ASH1L: variants seen among roughly 807,000 people sequenced by gnomAD.
The protein encoded by ASH1L is ASH1 like histone lysine methyltransferase.
In ASH1L, 23 loss-of-function variants were observed where a neutral mutation model predicts 269.0. That is an observed-to-expected ratio of 0.09 (90% confidence interval 0.06 to 0.12). The LOEUF (loss-of-function observed/expected upper bound fraction) is 0.12, where lower values mean the gene tolerates loss of function less well. Among genes scored for constraint, ASH1L ranks in the 10% least tolerant of loss-of-function variants. The pLI, the probability that ASH1L is intolerant of heterozygous loss-of-function variation, is 1.00. For synonymous variants in ASH1L, 1,187 were observed against 1,253.5 expected (o/e 0.95, Z 1.12); for missense variants, 2,912 against 3,567.8 (o/e 0.82, Z 4.68).
chr1:155,380,201 G>T, intron 7 of ASH1L, 85 bp from the exon 8 acceptor site: 2 of 908,324 alleles, frequency 2.2e-6, no homozygotes, highest in Non-Finnish European at 3.4e-6. Context: ...GAACTAACAT[G>T]TACTGACTAA....
At chr1:155,411,359 T>TCTA (rs1311403730) in intron 6 of ASH1L, among the ~76,000 whole-genome samples, 1 of 151,506 alleles carries the variant, frequency 6.6e-6, no homozygotes, top group Non-Finnish European at 1.5e-5. Context: ...AGTTCTAACA[T>TCTA]ACATAAAGTG....
intron 2 of ASH1L, among the ~76,000 whole-genome samples, chr1:155,497,142 T>C (rs899164695): frequency 6.6e-6 from 1 of 152,188 alleles, no homozygotes; most frequent in Non-Finnish European, 1.5e-5. Flanking sequence ...TAGTGCCAAT[T>C]TGATTTGTTT....
At chr1:155,458,512 C>T (rs558012143) in intron 4 of ASH1L, among the ~76,000 whole-genome samples, 1 of 152,276 alleles carries the variant, frequency 6.6e-6, no homozygotes, top group South Asian at 2.1e-4. Flanking sequence ...GTCAGGAGTT[C>T]GAGACCAGCC....
intron 1 of ASH1L, among the ~76,000 whole-genome samples, chr1:155,532,628 G>A (rs1164610027): frequency 6.6e-6 from 1 of 151,904 alleles, no homozygotes; most frequent in Non-Finnish European, 1.5e-5. Context: ...TTCAAGACCA[G>A]CCTGGCCAAC....
rs991381749 is a variant in ASH1L, at chr1:155,520,983, CT to C, written c.420+116del. On this transcript the variant is annotated intron_variant, in intron 2 of 27. Transcript: ENST00000392403. Reference sequence around the variant, plus strand: ...TTATTTTAAGGCTCACAAAAACAAACTATCTGGAAATAACATAGATTAAAAT... The same window carrying C: ...TTATTTTAAGGCTCACAAAAACAAACATCTGGAAATAACATAGATTAAAAT... The C allele has an allele frequency of 1.0e-4, 115 of 1,153,960 alleles. No individual in the cohort carries two copies. In the African/African-American group the frequency reaches 1.6e-3, roughly 16 times the overall value. The allele number at this position is 1,153,960 out of a possible 1,614,324, so 71.5% of individuals were successfully genotyped here.
intron 1 of ASH1L, among the ~76,000 whole-genome samples, chr1:155,543,951 A>G (rs1221430084): frequency 6.6e-6 from 1 of 152,078 alleles, no homozygotes. Context: ...AAAAAACACA[A>G]CAAAACAAAA....
At chr1:155,545,175 CAAAAAAAAAAAAA>C (rs10624841) in intron 1 of ASH1L, among the ~76,000 whole-genome samples, 19 of 21,780 alleles carry the variant, frequency 8.7e-4, no homozygotes, top group South Asian at 4.6e-3. Flanking sequence ...TCCATCTCAC[CAAAAAAAAAAAAA>C]AAAAAAAAAA....
In ASH1L at chr1:155,416,910, TTTTTC is replaced by T. The variant is rs371656532; in HGVS notation, c.5829-992_5829-988del. Among the ~76,000 whole-genome samples, 1,227 of 146,918 alleles carry T rather than the reference TTTTTC, an allele frequency of 8.4e-3. 7 individuals are homozygous for T. The highest frequency in any genetic ancestry group is 0.038 in the South Asian group (166 of 4,394). On this transcript the variant is annotated intron_variant, in intron 5 of 27. Transcript: ENST00000392403. Reference sequence around the variant, plus strand: ...CCACCTTCCCTCCTTCCTTCCTTTCTTTTTCTTTTCTTTCCTTTTCTTTTTTTTTT... The same window carrying T: ...CCACCTTCCCTCCTTCCTTCCTTTCTTTTTCTTTCCTTTTCTTTTTTTTTT...
intron 3 of ASH1L, among the ~76,000 whole-genome samples, chr1:155,467,313 A>C (rs1664766124): frequency 6.6e-6 from 1 of 152,220 alleles, no homozygotes; most frequent in Non-Finnish European, 1.5e-5. Flanking sequence ...ACATACATAC[A>C]TAAATTAAAT....
Position 155,478,065 on chromosome 1 carries a change from T to C in ASH1L, c.4805A>G (p.Glu1602Gly). The C allele has an allele frequency of 6.2e-7, 1 of 1,614,192 alleles. No individual in the cohort carries two copies. Among genetic ancestry groups the C allele is most frequent in the Non-Finnish European group, 8.5e-7 (1 of 1,180,028 alleles). The part of the protein sequence containing the change: ...TPNSEPASSD[E>G]HTNLFTSAIG... ...TGCACTTGTGAAAAGGTTTGTATGTTCATCACTGCTGGCTGGCTCAGAGTT... is the reference window on the plus strand; with the variant it reads ...TGCACTTGTGAAAAGGTTTGTATGTCCATCACTGCTGGCTGGCTCAGAGTT... Residue 1602 changes from glutamate to glycine, a missense_variant, in exon 3 of 28, where the codon GAA becomes GGA. This residue lies in a region of ASH1L where 789 missense variants were observed against 897.6 expected (regional missense o/e 0.88). Transcript: ENST00000392403. The surrounding 1 kb of genome is among the most constrained non-coding windows in gnomAD (Gnocchi z 4.6).
rs1443090699 is a variant in ASH1L at position 155,438,783 on chromosome 1, G to C, written c.5372C>G (p.Ser1791Cys). ...LLSEKLTSSC[S>C]PHHIKRSVVE... The stretch of plus-strand genomic sequence containing the variant: ...TACACTTCTCTTGATATGATGGGGG[G>C]AACAGCTGCTTGTCAACTTTTCAGA... The change falls in exon 5 of 28, where the codon TCC becomes TGC. Residue 1791 changes from serine to cysteine, a missense_variant. By Grantham distance (112) the Ser-to-Cys change is moderately radical. Coordinates refer to ENST00000392403, the MANE Select transcript of ASH1L (RefSeq NM_018489.3). 3 of 1,614,028 alleles carry C rather than the reference G, an allele frequency of 1.9e-6. No individual in the cohort carries two copies. In the South Asian group the frequency reaches 3.3e-5, roughly 18 times the overall value.
chr1:155,423,494 G>A (rs969327982), intron 5 of ASH1L, among the ~76,000 whole-genome samples: 2 of 151,908 alleles, frequency 1.3e-5, no homozygotes, highest in East Asian at 2.0e-4. Flanking sequence ...GCTGGAACCC[G>A]GGAGGCAGAG....
intron 2 of ASH1L, among the ~76,000 whole-genome samples, chr1:155,517,609 C>T (rs1402618499): frequency 1.3e-5 from 2 of 151,180 alleles, no homozygotes; most frequent in Non-Finnish European, 2.9e-5. Flanking sequence ...TGCCACTGTA[C>T]TCCAGCCTAG....
chr1:155,534,910 C>T (rs1669942750), intron 1 of ASH1L, among the ~76,000 whole-genome samples: 2 of 152,118 alleles, frequency 1.3e-5, no homozygotes, highest in South Asian at 4.1e-4. Flanking sequence ...TAAAATCTGG[C>T]CAGGTGCGGT....
intron 12 of ASH1L, among the ~76,000 whole-genome samples, chr1:155,363,952 G>A (rs1655183943): frequency 1.3e-5 from 2 of 151,036 alleles, no homozygotes; most frequent in African/African-American, 2.4e-5. Flanking sequence ...CAGCCTGGGC[G>A]ACAGAGCAAG....
chr1:155,420,790 C>T (rs1660612305), intron 5 of ASH1L, among the ~76,000 whole-genome samples: 1 of 144,230 alleles, frequency 6.9e-6, no homozygotes. Context: ...GTGGAGGTTG[C>T]AGTGAGCCAA....
chr1:155,359,282 T>C (rs1367870354), intron 13 of ASH1L, among the ~76,000 whole-genome samples: 1 of 152,122 alleles, frequency 6.6e-6, no homozygotes, highest in African/African-American at 2.4e-5. Flanking sequence ...GTACTTCTTT[T>C]CTCCCTTTTT....
At chr1:155,411,107 G>A (rs1292838797) in intron 6 of ASH1L, among the ~76,000 whole-genome samples, 3 of 152,134 alleles carry the variant, frequency 2.0e-5, no homozygotes, top group African/African-American at 7.2e-5. Context: ...CAGGTTGTGT[G>A]TATGAAGAAC....
At chr1:155,527,385 T>C (rs1669332321) in intron 1 of ASH1L, among the ~76,000 whole-genome samples, 2 of 152,066 alleles carry the variant, frequency 1.3e-5, no homozygotes, top group Non-Finnish European at 1.5e-5. Context: ...CACCCCTCCA[T>C]AGAAACTGCT....
Sources: allele counts gnomAD v4.1 joint callset (sites outside exome capture counted in the v4.1 genomes callset), GRCh38; gene constraint gnomAD v4.1.1; regional missense constraint gnomAD v4.1.1; non-coding constraint Gnocchi (gnomAD v3.1); transcripts MANE v1.5; gene names NCBI Gene and HGNC (gene_info 2026-07-23, HGNC 2026-07-21).